The following PSMD9 variants were observed in gnomAD, a reference collection of about 807,000 sequenced individuals.
The protein encoded by PSMD9 is proteasome 26S subunit, non-ATPase 9, also known as 26S proteasome non-ATPase regulatory subunit 9.
PSMD9 carries 26 observed loss-of-function variants against 25.9 expected under a neutral mutation model. The ratio of observed to expected loss-of-function variants is 1.00; its 90% CI spans 0.73 to 1.39. The LOEUF is 1.39. PSMD9 is among the 40% of genes most tolerant of loss of function. The probability of loss-of-function intolerance (pLI) is 0.00; values close to 1 mark genes in which losing one functional copy is unlikely to be tolerated. For missense variants in PSMD9, 303 were observed against 299.3 expected (o/e 1.01, Z -0.09); for synonymous variants, 110 against 114.5 (o/e 0.96, Z 0.25).
chr12:121,891,671 C>T (rs896020191), intron 1 of PSMD9, among the ~76,000 whole-genome samples: 4 of 151,358 alleles, frequency 2.6e-5, no homozygotes, highest in African/African-American at 9.7e-5. Flanking sequence ...TTTGGAAGGC[C>T]GAGGTGTGTG....
At chr12:121,891,508 G>A (rs1879076289) in intron 1 of PSMD9, among the ~76,000 whole-genome samples, 1 of 151,678 alleles carries the variant, frequency 6.6e-6, no homozygotes, top group African/African-American at 2.4e-5. Context: ...GCTGAGGCAG[G>A]AGAATGGCCT....
At chr12:121,907,805 C>A (rs552617703) in intron 4 of PSMD9, among the ~76,000 whole-genome samples, 3 of 152,290 alleles carry the variant, frequency 2.0e-5, no homozygotes, top group East Asian at 3.9e-4. Flanking sequence ...TTTGGGAGGC[C>A]AAGGCAGGAG....
intron 2 of PSMD9, among the ~76,000 whole-genome samples, chr12:121,895,255 G>A (rs1388330835): frequency 6.6e-6 from 1 of 152,044 alleles, no homozygotes; most frequent in Non-Finnish European, 1.5e-5. Flanking sequence ...GCCCAGGTGA[G>A]TCTTGAACTC....
At chr12:121,903,506 CT>C (rs1042334372) in intron 4 of PSMD9, among the ~76,000 whole-genome samples, 28 of 152,252 alleles carry the variant, frequency 1.8e-4, no homozygotes, top group African/African-American at 6.7e-4. Context: ...GTCTATAGCC[CT>C]GGAGTTACTG....
intron 3 of PSMD9, among the ~76,000 whole-genome samples, chr12:121,901,446 T>C (rs1879392887): frequency 6.6e-6 from 1 of 151,924 alleles, no homozygotes; most frequent in Admixed American, 6.6e-5. Context: ...ACTCGCAGAG[T>C]CAAGTGATCC....
Position 121,903,126 on chromosome 12 carries a change from T to A in PSMD9, c.555+19T>A. On this transcript the variant is annotated intron_variant, in intron 4 of 5. Transcript: ENST00000541212. ...TGAGGGGGTGAGTGGGGCTACCTGGTGTCTCGGTCTGTTTGGGTTTTTCTA... is the reference window on the plus strand; with the variant it reads ...TGAGGGGGTGAGTGGGGCTACCTGGAGTCTCGGTCTGTTTGGGTTTTTCTA... The A allele has an allele frequency of 6.3e-7, 1 of 1,599,466 alleles. No homozygotes were observed. The highest frequency in any genetic ancestry group is 8.6e-7 in the Non-Finnish European group (1 of 1,167,210).
intron 1 of PSMD9, among the ~76,000 whole-genome samples, chr12:121,891,564 C>A: frequency 6.7e-6 from 1 of 149,840 alleles, no homozygotes; most frequent in South Asian, 2.1e-4. Context: ...TGCGCCACTG[C>A]ACTTCAGCCT....
rs148814204 is a variant in PSMD9 at position 121,899,701 on chromosome 12, C to T, written c.309C>T (p.Arg103=). The change falls in exon 3 of 6, where the codon CGC becomes CGT. Residue 103 remains arginine, a synonymous_variant. Transcript: ENST00000541212. Reference sequence around the variant, plus strand: ...AGGCCCTGCACCAGCTGCACGCTCGCGACAAGGAGAAGCAGGCCCGGGACA... The same window carrying T: ...AGGCCCTGCACCAGCTGCACGCTCGTGACAAGGAGAAGCAGGCCCGGGACA... The part of the protein sequence containing the change: ...VEEALHQLHA[R]DKEKQARDMA... 41 of 1,613,902 alleles carry T rather than the reference C, an allele frequency of 2.5e-5. No individual in the cohort carries two copies. Among genetic ancestry groups the T allele is most frequent in the South Asian group, 2.2e-4 (20 of 91,056 alleles).
chr12:121,890,871 C>G (rs1197569530), intron 1 of PSMD9, among the ~76,000 whole-genome samples: 1 of 151,960 alleles, frequency 6.6e-6, no homozygotes, highest in Admixed American at 6.6e-5. Context: ...CATGTTGATA[C>G]GGCATGTTGG....
intron 4 of PSMD9, chr12:121,915,134 G>C (rs1038786538): frequency 1.3e-5 from 2 of 152,096 alleles, no homozygotes. Context: ...AGACCAGCCT[G>C]GCCAACATGG....
At position 121,907,476 on chromosome 12, in the gene PSMD9, C is replaced by T. The variant is rs1307375089; in HGVS notation, c.555+4369C>T. On this transcript the variant is annotated intron_variant, in intron 4 of 5. Coordinates refer to ENST00000541212, the MANE Select transcript of PSMD9 (RefSeq NM_002813.7). ...TCTCAGCTCACTGCAACCTCTGCCT[C>T]CCGGCACCTGGCCTTTTTTAGCGAA... Among the ~76,000 whole-genome samples the T allele has an allele frequency of 3.3e-5, 5 of 152,218 alleles. No individual in the cohort carries two copies. The East Asian group carries it at 7.7e-4, about 23-fold the overall frequency.
At chr12:121,907,015 TTAGA>T (rs1879580266) in intron 4 of PSMD9, among the ~76,000 whole-genome samples, 1 of 152,016 alleles carries the variant, frequency 6.6e-6, no homozygotes, top group South Asian at 2.1e-4. Flanking sequence ...TGTGAGACAT[TTAGA>T]TAGTTTGCCA....
chr12:121,889,081 G>A, intron 1 of PSMD9, 87 bp downstream of exon 1: 1 of 1,494,128 alleles, frequency 6.7e-7, no homozygotes, highest in Non-Finnish European at 9.0e-7. Flanking sequence ...CTCAGTTTGG[G>A]CGCTCCGCAA....
intron 3 of PSMD9, 104 bp from the exon 4 acceptor site, chr12:121,902,902 A>G (rs937021065): frequency 3.3e-6 from 3 of 914,914 alleles, no homozygotes; most frequent in Non-Finnish European, 5.3e-6. Context: ...CCCTGTAGAA[A>G]ACAAGCTCGT....
chr12:121,896,594 T>C (rs549636201), intron 2 of PSMD9, among the ~76,000 whole-genome samples: 1 of 152,060 alleles, frequency 6.6e-6, no homozygotes, highest in African/African-American at 2.4e-5. Context: ...CCCAGCACAC[T>C]GGGAGGCCGA....
chr12:121,915,755 C>A, intron 4 of PSMD9, 101 bp from the exon 5 acceptor site: 1 of 1,023,466 alleles, frequency 9.8e-7, no homozygotes, highest in South Asian at 1.6e-5. Flanking sequence ...AAATGTAAAT[C>A]TTTACCAATT....
At chr12:121,903,152 A>G in intron 4 of PSMD9, 45 bp downstream of exon 4, 1 of 1,499,488 alleles carries the variant, frequency 6.7e-7, no homozygotes, top group Non-Finnish European at 9.3e-7. Flanking sequence ...GGTTTTTCTA[A>G]CAGTATGCCA....
At chr12:121,899,359 C>CCCT in intron 2 of PSMD9, 1 of 424,956 alleles carries the variant, frequency 2.4e-6, no homozygotes, top group Non-Finnish European at 4.3e-6. Flanking sequence ...AGGAAGCCTT[C>CCCT]CCTCATATCC....
chr12:121,903,752 CTTTTTTT>C (rs11300031), intron 4 of PSMD9, among the ~76,000 whole-genome samples: 2 of 123,492 alleles, frequency 1.6e-5, no homozygotes, highest in African/African-American at 6.3e-5. Flanking sequence ...GAGATCTTTT[CTTTTTTT>C]TTTTTTTTTT....
Sources: allele counts gnomAD v4.1 joint callset (sites outside exome capture counted in the v4.1 genomes callset), GRCh38; gene constraint gnomAD v4.1.1; transcripts MANE v1.5; gene names NCBI Gene and HGNC (gene_info 2026-07-23, HGNC 2026-07-21).